Variants in MAGI3 observed in about 807,000 individuals in gnomAD.
MAGI3 encodes the protein membrane associated guanylate kinase, WW and PDZ domain containing 3, also known as membrane-associated guanylate kinase, WW and PDZ domain-containing protein 3.
Under a neutral mutation model 121.8 loss-of-function variants are expected in MAGI3, and 43 were observed. The observed-to-expected ratio is 0.35, with a 90% CI of 0.28 to 0.46. The LOEUF is 0.46. MAGI3 is among the 20% of genes least tolerant of loss of function. MAGI3 has a pLI of 1.00. For synonymous variants in MAGI3, 553 were observed against 639.3 expected, an observed-to-expected ratio of 0.86 and a Z score of 2.04; for missense variants, 1,547 against 1,797.3, an observed-to-expected ratio of 0.86 and a Z score of 2.52.
chr1:113,679,093 A>G (rs1245926449), intron 19 of MAGI3, among the ~76,000 whole-genome samples: 1 of 151,870 alleles, frequency 6.6e-6, no homozygotes, highest in Non-Finnish European at 1.5e-5. Context: ...CTTGAAATAT[A>G]TTTTTTCAAC....
chr1:113,573,521 AT>A (rs1242559363), intron 2 of MAGI3, among the ~76,000 whole-genome samples: 1 of 152,006 alleles, frequency 6.6e-6, no homozygotes, highest in African/African-American at 2.4e-5. Context: ...GAGTTTCTTA[AT>A]CCTGAGTTCC....
At chr1:113,477,303 T>C (rs1655880949) in intron 1 of MAGI3, among the ~76,000 whole-genome samples, 2 of 152,232 alleles carry the variant, frequency 1.3e-5, no homozygotes, top group Non-Finnish European at 1.5e-5. Context: ...TGTTAATTGA[T>C]GCAGTTTCTT....
intron 1 of MAGI3, among the ~76,000 whole-genome samples, chr1:113,442,434 T>C (rs899750282): frequency 1.3e-5 from 2 of 152,182 alleles, no homozygotes; most frequent in African/African-American, 2.4e-5. Context: ...ACATTGGCAG[T>C]ATCTAGTCTA....
intron 5 of MAGI3, among the ~76,000 whole-genome samples, chr1:113,591,246 A>C (rs1648673465): frequency 6.6e-6 from 1 of 152,112 alleles, no homozygotes; most frequent in East Asian, 1.9e-4. Context: ...CTAAAATTGT[A>C]TGTTGTTTGT....
intron 1 of MAGI3, among the ~76,000 whole-genome samples, chr1:113,463,613 A>G (rs905853650): frequency 1.3e-5 from 2 of 152,138 alleles, no homozygotes; most frequent in African/African-American, 4.8e-5. Flanking sequence ...GTGATGGATT[A>G]AAATGAGGAA....
chr1:113,557,983 A>G (rs548607320), intron 2 of MAGI3, among the ~76,000 whole-genome samples: 18 of 152,224 alleles, frequency 1.2e-4, no homozygotes, highest in Non-Finnish European at 2.4e-4. Context: ...AAGAGTGGCC[A>G]GACTGTTAAA....
chr1:113,526,019 A>G (rs965946911), intron 1 of MAGI3, among the ~76,000 whole-genome samples: 14 of 152,192 alleles, frequency 9.2e-5, no homozygotes, highest in Admixed American at 9.2e-4. Context: ...AAAACAAAAC[A>G]AAACAAACAT....
intron 8 of MAGI3, among the ~76,000 whole-genome samples, chr1:113,621,791 A>G (rs1041198471): frequency 6.6e-5 from 10 of 151,580 alleles, no homozygotes; most frequent in Admixed American, 6.6e-4. Flanking sequence ...TAAAGTACTG[A>G]CATATGCTAC....
rs1228430053 is a variant in MAGI3, at chr1:113,659,273, GC to G, written c.2815+10del. On this transcript the variant is annotated intron_variant, in intron 16 of 20. Coordinates refer to ENST00000307546, the MANE Select transcript of MAGI3 (RefSeq NM_001142782.2). ...CGGTCATTGCTGAAGAAGGTAAGGA[GC>G]CAGTAGACGCGCCTGCCCCAAGCTG... 6.2e-7 allele frequency: 1 copy of G among 1,612,202 alleles called. No individual in the cohort carries two copies. The highest frequency in any genetic ancestry group is 8.5e-7 in the Non-Finnish European group (1 of 1,179,610).
At chr1:113,585,652 C>G in intron 4 of MAGI3, 56 bp downstream of exon 4, 1 of 1,464,820 alleles carries the variant, frequency 6.8e-7, no homozygotes, top group Non-Finnish European at 9.3e-7. Context: ...TTTACTATTA[C>G]GTTGAATTAA....
intron 6 of MAGI3, among the ~76,000 whole-genome samples, chr1:113,599,326 G>C (rs980229187): frequency 4.6e-5 from 7 of 151,778 alleles, no homozygotes; most frequent in Admixed American, 2.0e-4. Flanking sequence ...CCACTAGCAA[G>C]ACTAATAAAG....
intron 1 of MAGI3, among the ~76,000 whole-genome samples, chr1:113,491,441 G>C (rs575968360): frequency 6.6e-6 from 1 of 152,114 alleles, no homozygotes; most frequent in Non-Finnish European, 1.5e-5. Flanking sequence ...GTCTCAGCTT[G>C]ACAACCTAAA....
At chr1:113,536,186 TCTAA>T (rs1658985200) in intron 1 of MAGI3, among the ~76,000 whole-genome samples, 1 of 151,698 alleles carries the variant, frequency 6.6e-6, no homozygotes, top group African/African-American at 2.4e-5. Flanking sequence ...ACAGTATGAA[TCTAA>T]CTGTTAGGGA....
At chr1:113,455,150 G>A (rs1654683206) in intron 1 of MAGI3, among the ~76,000 whole-genome samples, 1 of 152,228 alleles carries the variant, frequency 6.6e-6, no homozygotes, top group East Asian at 1.9e-4. Context: ...GGATAAATTC[G>A]AGAGTGGACT....
chr1:113,580,729 A>C (rs925483845), intron 3 of MAGI3, 68 bp downstream of exon 3: 2 of 1,418,276 alleles, frequency 1.4e-6, no homozygotes, highest in African/African-American at 2.9e-5. Context: ...TTTCAGAGGG[A>C]ATTTGACCAG....
chr1:113,563,630 T>C (rs917828191), intron 2 of MAGI3, among the ~76,000 whole-genome samples: 1 of 152,192 alleles, frequency 6.6e-6, no homozygotes, highest in Non-Finnish European at 1.5e-5. Flanking sequence ...AGCTGACTTA[T>C]AGTTTCCTGG....
At chr1:113,527,146 T>C (rs1658490980) in intron 1 of MAGI3, among the ~76,000 whole-genome samples, 1 of 152,114 alleles carries the variant, frequency 6.6e-6, no homozygotes, top group Non-Finnish European at 1.5e-5. Context: ...ATTACTGATT[T>C]GATATGTCAG....
Position 113,615,657 on chromosome 1 carries a change from C to T in MAGI3, c.1076+999C>T, listed in dbSNP as rs1650416093. 2.0e-5 allele frequency among the ~76,000 whole-genome samples: 3 copies of T among 152,024 alleles called. No individual in the cohort carries two copies. In the South Asian group the frequency reaches 6.2e-4, roughly 32 times the overall value. On this transcript the variant is annotated intron_variant, in intron 7 of 20. Transcript: ENST00000307546. ...GTGGTTAGAGGGATTTTTGGAATGA[C>T]TTCTTAAAATTAAATGTGTCTCCTA...
chr1:113,434,116 T>G (rs2101430388), intron 1 of MAGI3, among the ~76,000 whole-genome samples: 1 of 152,312 alleles, frequency 6.6e-6, no homozygotes, highest in Admixed American at 6.5e-5. Flanking sequence ...TGTACTATGC[T>G]ACCCAGAAGA....
Sources: gnomAD v4.1 joint callset for allele counts (sites outside exome capture counted in the v4.1 genomes callset) on GRCh38, gnomAD v4.1.1 for gene constraint, MANE v1.5 for transcripts, NCBI Gene and HGNC (gene_info 2026-07-23, HGNC 2026-07-21) for gene names.